The following STAT5B variants were observed in gnomAD, a reference collection of about 807,000 sequenced individuals.
The protein encoded by STAT5B is transcription factor STAT5B.
A neutral mutation model predicts 107.8 loss-of-function variants in STAT5B; 21 were observed. That is an observed-to-expected ratio of 0.19 (90% CI 0.14 to 0.28). The LOEUF (loss-of-function observed/expected upper bound fraction) is 0.28, where lower values mean the gene tolerates loss of function less well. Ranked by LOEUF, STAT5B falls within the 10% of genes least tolerant of loss-of-function variation. The pLI, the probability that STAT5B is intolerant of heterozygous loss-of-function variation, is 1.00. For missense variants in STAT5B, 565 were observed against 1,008.2 expected, an observed-to-expected ratio of 0.56 and a Z score of 5.95; for synonymous variants, 325 against 401.7, an observed-to-expected ratio of 0.81 and a Z score of 2.28.
rs953335508 is a variant in STAT5B, at chr17:42,250,854, G to C, written c.-10-18717C>G. 3.3e-5 allele frequency among the ~76,000 whole-genome samples: 5 copies of C among 151,448 alleles called. No homozygotes were observed. In the East Asian group the frequency reaches 9.7e-4, roughly 29 times the overall value. On this transcript the variant is annotated intron_variant, in intron 1 of 18. Coordinates refer to ENST00000293328, the MANE Select transcript of STAT5B (RefSeq NM_012448.4). Reference sequence around the variant, plus strand: ...CAGGAGAATCACTTGAACCTAGGAGGCGGAGGATGCAGTGAGTGGAGATCA... The same window carrying C: ...CAGGAGAATCACTTGAACCTAGGAGCCGGAGGATGCAGTGAGTGGAGATCA...
chr17:42,217,574 A>T, intron 9 of STAT5B, 110 bp from the exon 10 acceptor site: 1 of 1,180,620 alleles, frequency 8.5e-7, no homozygotes. Flanking sequence ...CTAAAAATGT[A>T]CGTCATTTAG....
intron 16 of STAT5B, among the ~76,000 whole-genome samples, chr17:42,204,831 C>G (rs1227484041): frequency 6.6e-6 from 1 of 151,982 alleles, no homozygotes; most frequent in African/African-American, 2.4e-5. Context: ...CCAGGCTGGT[C>G]TCAAACTCCT....
At chr17:42,262,883 C>A (rs1405585693) in intron 1 of STAT5B, among the ~76,000 whole-genome samples, 1 of 106,624 alleles carries the variant, frequency 9.4e-6, no homozygotes, top group African/African-American at 3.6e-5. Flanking sequence ...TATATATACA[C>A]ATATATATGT....
At chr17:42,201,909 C>T (rs756932181) in intron 18 of STAT5B, 45 bp from the exon 19 acceptor site, 6 of 1,597,316 alleles carry the variant, frequency 3.8e-6, no homozygotes, top group Admixed American at 1.7e-5. Flanking sequence ...GAAAGCCTGC[C>T]AGAGACCACC....
At chr17:42,277,351 A>G (rs1002363162), upstream of STAT5B, among the ~76,000 whole-genome samples, 1 of 152,062 alleles carries the variant, frequency 6.6e-6, no homozygotes, top group African/African-American at 2.4e-5. Flanking sequence ...TCCCGCCCCC[A>G]CTCAGACACA....
intron 4 of STAT5B, 31 bp from the exon 5 acceptor site, chr17:42,223,587 G>A (rs373518723): frequency 1.9e-6 from 3 of 1,610,054 alleles, no homozygotes; most frequent in Non-Finnish European, 1.7e-6. Flanking sequence ...GTGCAAGGCA[G>A]TGCGAATGGG....
intron 16 of STAT5B, among the ~76,000 whole-genome samples, chr17:42,205,120 C>T (rs959425877): frequency 1.3e-5 from 2 of 152,102 alleles, no homozygotes; most frequent in African/African-American, 4.8e-5. Flanking sequence ...CTCCGCCTCC[C>T]GGGTTCAAGT....
At chr17:42,228,835 G>A (rs1353477787) in intron 2 of STAT5B, among the ~76,000 whole-genome samples, 1 of 152,180 alleles carries the variant, frequency 6.6e-6, no homozygotes, top group Non-Finnish European at 1.5e-5. Flanking sequence ...TTGGGAGGCT[G>A]AGGCAGGAGA....
chr17:42,275,527 G>A (rs1463821843), intron 1 of STAT5B: 1 of 152,278 alleles, frequency 6.6e-6, no homozygotes, highest in African/African-American at 2.4e-5. Context: ...TTTAGCCTCA[G>A]ACCAGCTTTT....
intron 1 of STAT5B, among the ~76,000 whole-genome samples, chr17:42,254,746 G>A (rs1033706278): frequency 3.3e-5 from 5 of 151,982 alleles, no homozygotes; most frequent in African/African-American, 1.2e-4. Flanking sequence ...GGGAAGGGAA[G>A]GAAAAGTAGG....
intron 1 of STAT5B, among the ~76,000 whole-genome samples, chr17:42,246,119 A>G (rs986607213): frequency 6.6e-6 from 1 of 152,224 alleles, no homozygotes; most frequent in Non-Finnish European, 1.5e-5. Context: ...AAAGTTTTTG[A>G]TTAAATTGTG....
intron 1 of STAT5B, chr17:42,272,264 C>T (rs2080727344): frequency 1.3e-5 from 2 of 152,292 alleles, no homozygotes; most frequent in Admixed American, 1.3e-4. Flanking sequence ...TAACTCTTTT[C>T]CATGACACTG....
At chr17:42,230,291 GC>G (rs1391550492) in intron 2 of STAT5B, among the ~76,000 whole-genome samples, 7 of 152,084 alleles carry the variant, frequency 4.6e-5, no homozygotes, top group African/African-American at 1.7e-4. Context: ...CAGGTATATG[GC>G]CCTTTGCAAA....
chr17:42,274,133 A>G (rs941826640), intron 1 of STAT5B, among the ~76,000 whole-genome samples: 4 of 152,154 alleles, frequency 2.6e-5, no homozygotes, highest in African/African-American at 4.8e-5. Flanking sequence ...ACAAGCACCG[A>G]AAAGGTGAGA....
rs1469826611 is a variant in STAT5B at position 42,199,879 on chromosome 17, G to C, written c.*1859C>G. 6.6e-6 allele frequency: 1 copy of C among 152,436 alleles called. No homozygotes were observed. The highest frequency in any genetic ancestry group is 1.5e-5 in the Non-Finnish European group (1 of 68,118). 9.4% of individuals were successfully genotyped at this position (152,436 alleles called of 1,614,324 possible). A position where few individuals can be genotyped will look rare whatever the true frequency, so the allele number is the denominator to read the frequency against. ...AACAGAGAGCGAGGTCTCAGAGGCA[G>C]GTGCTGGTGAAGCATCTCTGGGAGA... is the stretch of plus-strand genomic sequence containing the variant. On this transcript the variant is annotated 3_prime_UTR_variant, in exon 19 of 19. Coordinates refer to ENST00000293328, the MANE Select transcript of STAT5B (RefSeq NM_012448.4).
At position 42,212,020 on chromosome 17, in the gene STAT5B, G is replaced by A. The variant is rs139437059; in HGVS notation, c.1644C>T (p.Tyr548=). The A allele has an allele frequency of 1.1e-4, 172 of 1,613,754 alleles. No homozygotes were observed. The highest frequency in any genetic ancestry group is 1.4e-4 in the Non-Finnish European group (167 of 1,179,886). Residue 548 remains tyrosine (Y), a synonymous_variant, in exon 13 of 19, where the codon TAC becomes TAT. Transcript: ENST00000293328. ...GGGACCAGGACACAGACAGGCCACT[G>A]TAGTCCTCCAGGTGGCTGCTGCTGT... ...FNNSSSHLED[Y]SGLSVSWSQF... is the part of the protein sequence containing the mutation.
rs993131252 is a variant in STAT5B, at chr17:42,201,576, C to T, written c.*162G>A. ...CACAAACACATACTCGCACTCCCTT[C>T]GCTGGTGCCACCATGCACAGAAACA... On this transcript the variant is annotated 3_prime_UTR_variant, in exon 19 of 19. Transcript: ENST00000293328. 13 of 700,900 alleles carry T rather than the reference C, an allele frequency of 1.9e-5. No individual in the cohort carries two copies. Among genetic ancestry groups the T allele is most frequent in the Admixed American group, 1.6e-4 (8 of 49,714 alleles). The allele number at this position is 700,900 out of a possible 1,614,324, so 43.4% of individuals were successfully genotyped here.
chr17:42,244,653 T>G (rs2080435728), intron 1 of STAT5B, among the ~76,000 whole-genome samples: 1 of 152,174 alleles, frequency 6.6e-6, no homozygotes, highest in Admixed American at 6.5e-5. Flanking sequence ...ATGGCCTCCC[T>G]CTTACCATTG....
chr17:42,271,424 A>G (rs1435943794), intron 1 of STAT5B: 4 of 152,244 alleles, frequency 2.6e-5, no homozygotes, highest in Admixed American at 6.5e-5. Flanking sequence ...ACTAGTCAGA[A>G]AGGAAAGTTT....
Sources: allele counts gnomAD v4.1 joint callset (sites outside exome capture counted in the v4.1 genomes callset), GRCh38; gene constraint gnomAD v4.1.1; transcripts MANE v1.5; gene names NCBI Gene and HGNC (gene_info 2026-07-23, HGNC 2026-07-21).